The following DLGAP2 variants were observed in gnomAD, a reference collection of about 807,000 sequenced individuals.
DLGAP2 encodes the protein disks large-associated protein 2.
DLGAP2 carries 26 observed loss-of-function variants against 100.3 expected under a neutral mutation model. That is an observed-to-expected ratio of 0.26 (90% CI 0.19 to 0.36). The LOEUF (loss-of-function observed/expected upper bound fraction) is 0.36. DLGAP2 is among the 10% of genes least tolerant of loss of function. The probability of loss-of-function intolerance (pLI) is 1.00; values close to 1 mark genes in which losing one functional copy is unlikely to be tolerated. For missense variants in DLGAP2, 1,858 were observed against 1,453.2 expected (o/e 1.28, Z -4.53); for synonymous variants, 886 against 630.1 (o/e 1.41, Z -6.08).
chr8:1,047,790 C>CTGA (rs1444338472), intron 2 of DLGAP2, among the ~76,000 whole-genome samples: 1 of 152,146 alleles, frequency 6.6e-6, no homozygotes, highest in African/African-American at 2.4e-5. Flanking sequence ...AAGGCCCCAC[C>CTGA]TCCTAACACC....
Position 1,640,402 on chromosome 8 carries a change from G to A in DLGAP2, c.1810+7356G>A, listed in dbSNP as rs565538505. ...CTGCTGACATCACGTCTCCAACCCC[G>A]CAGCACAGCGTAGTCCAAATGCCAG... On this transcript the variant is annotated intron_variant, in intron 8 of 14. Transcript: ENST00000637795. Among the ~76,000 whole-genome samples the A allele has an allele frequency of 3.0e-4, 45 of 152,214 alleles. No individual in the cohort carries two copies. In the South Asian group the frequency reaches 8.7e-3, roughly 29 times the overall value.
chr8:1,062,128 C>T (rs1803102766), intron 2 of DLGAP2, among the ~76,000 whole-genome samples: 1 of 152,150 alleles, frequency 6.6e-6, no homozygotes, highest in Non-Finnish European at 1.5e-5. Flanking sequence ...TTAAAGTGTC[C>T]ATCTCCATGG....
intron 2 of DLGAP2, among the ~76,000 whole-genome samples, chr8:1,240,326 TTCTC>T (rs1223008988): frequency 6.9e-5 from 10 of 144,864 alleles, no homozygotes; most frequent in African/African-American, 2.3e-4. Context: ...CTGTGTCTAG[TTCTC>T]TCTCACACAT....
intron 1 of DLGAP2, among the ~76,000 whole-genome samples, chr8:869,042 A>C (rs1462155360): frequency 8.5e-5 from 13 of 152,234 alleles, no homozygotes; most frequent in African/African-American, 9.6e-5. Flanking sequence ...AGGCGTCCTG[A>C]GTACCAAGTC....
At chr8:1,306,681 G>T (rs1013271891) in intron 3 of DLGAP2, among the ~76,000 whole-genome samples, 1 of 152,092 alleles carries the variant, frequency 6.6e-6, no homozygotes, top group African/African-American at 2.4e-5. Flanking sequence ...GTGGTTAAGT[G>T]CTGGCATAAT....
intron 3 of DLGAP2, among the ~76,000 whole-genome samples, chr8:1,430,041 T>C (rs1448211161): frequency 1.1e-4 from 12 of 110,278 alleles, no homozygotes; most frequent in Non-Finnish European, 2.4e-4. Flanking sequence ...CACACACACA[T>C]ATGAACTTAG....
intron 6 of DLGAP2, among the ~76,000 whole-genome samples, chr8:1,567,732 C>G (rs1487506049): frequency 6.6e-6 from 1 of 152,166 alleles, no homozygotes; most frequent in African/African-American, 2.4e-5. Context: ...TTTACACTGG[C>G]AAAACTCACA....
At chr8:1,533,360 G>A (rs1363572412) in intron 4 of DLGAP2, among the ~76,000 whole-genome samples, 1 of 151,866 alleles carries the variant, frequency 6.6e-6, no homozygotes, top group African/African-American at 2.4e-5. Context: ...AAAAAAATTA[G>A]CCGGGCGTTG....
At chr8:1,372,800 C>G (rs1802277251) in intron 3 of DLGAP2, among the ~76,000 whole-genome samples, 1 of 152,158 alleles carries the variant, frequency 6.6e-6, no homozygotes, top group African/African-American at 2.4e-5. Flanking sequence ...TATATTTTCC[C>G]AAGCGAACAT....
intron 3 of DLGAP2, among the ~76,000 whole-genome samples, chr8:1,286,453 G>T (rs1384094302): frequency 6.6e-6 from 1 of 152,238 alleles, no homozygotes; most frequent in East Asian, 1.9e-4. Context: ...AGCTCTACCA[G>T]TTACCATCTG....
chr8:1,685,142 G>T (rs866335477), intron 12 of DLGAP2, among the ~76,000 whole-genome samples: 14 of 151,250 alleles, frequency 9.3e-5, no homozygotes, highest in African/African-American at 3.2e-4. Context: ...AGACAAAATG[G>T]TCTGGATGGG....
intron 1 of DLGAP2, among the ~76,000 whole-genome samples, chr8:813,807 A>G (rs1796414857): frequency 6.6e-6 from 1 of 152,162 alleles, no homozygotes; most frequent in African/African-American, 2.4e-5. Context: ...TCTCCAGCAG[A>G]TAAACAGTGA....
At chr8:901,675 G>A (rs1413731265) in intron 1 of DLGAP2, among the ~76,000 whole-genome samples, 2 of 152,200 alleles carry the variant, frequency 1.3e-5, no homozygotes, top group South Asian at 2.1e-4. Flanking sequence ...AGTTGAAACT[G>A]TTTGATCAGT....
intron 2 of DLGAP2, among the ~76,000 whole-genome samples, chr8:1,256,529 C>G (rs1312867876): frequency 8.0e-6 from 1 of 124,588 alleles, no homozygotes; most frequent in Admixed American, 7.4e-5. Context: ...GTGCCCGTCT[C>G]ATCCTGCCCA....
At chr8:1,609,329 C>G (rs1276600429) in intron 6 of DLGAP2, among the ~76,000 whole-genome samples, 4 of 137,622 alleles carry the variant, frequency 2.9e-5, no homozygotes, top group African/African-American at 1.0e-4. Flanking sequence ...ACTTTACAGA[C>G]AAGCAAATGC....
intron 3 of DLGAP2, among the ~76,000 whole-genome samples, chr8:1,490,633 C>A (rs970433459): frequency 6.6e-6 from 1 of 152,170 alleles, no homozygotes; most frequent in African/African-American, 2.4e-5. Context: ...CTCGGTTAAT[C>A]ACTTTTGTTC....
chr8:1,519,860 G>A (rs1234927744), intron 4 of DLGAP2, among the ~76,000 whole-genome samples: 1 of 152,260 alleles, frequency 6.6e-6, no homozygotes, highest in Non-Finnish European at 1.5e-5. Context: ...TCCTTTGGGG[G>A]CACAGAGCAG....
intron 3 of DLGAP2, among the ~76,000 whole-genome samples, chr8:1,388,771 A>G (rs1483908763): frequency 2.1e-5 from 2 of 96,064 alleles, no homozygotes; most frequent in African/African-American, 8.5e-5. Flanking sequence ...GCCGTGGATG[A>G]GGAGGCGCTG....
chr8:869,294 C>T (rs1355985630), intron 1 of DLGAP2, among the ~76,000 whole-genome samples: 2 of 152,188 alleles, frequency 1.3e-5, no homozygotes, highest in African/African-American at 4.8e-5. Flanking sequence ...CCTTCTTGCA[C>T]CACATTTGAT....
Sources: allele counts gnomAD v4.1 joint callset (sites outside exome capture counted in the v4.1 genomes callset), GRCh38; gene constraint gnomAD v4.1.1; transcripts MANE v1.5; gene names NCBI Gene and HGNC (gene_info 2026-07-23, HGNC 2026-07-21).